The following LAMA4 variants were observed in gnomAD, a reference collection of about 807,000 sequenced individuals.
The protein encoded by LAMA4 is laminin subunit alpha-4.
Under a neutral mutation model 207.1 loss-of-function variants are expected in LAMA4, and 127 were observed. That is an observed-to-expected ratio of 0.61 (90% CI 0.53 to 0.71). The LOEUF (loss-of-function observed/expected upper bound fraction) is 0.71. Among genes scored for constraint, LAMA4 ranks in the 30% least tolerant of loss-of-function variants. The pLI is 0.00. For missense variants in LAMA4, 2,093 were observed against 2,246.5 expected, an observed-to-expected ratio of 0.93 and a Z score of 1.38; for synonymous variants, 761 against 816.0, an observed-to-expected ratio of 0.93 and a Z score of 1.15.
chr6:112,213,608 C>A (rs1784469063), intron 3 of LAMA4: 1 of 157,078 alleles, frequency 6.4e-6, no homozygotes, highest in Non-Finnish European at 1.4e-5. Context: ...AGTGTTCCAC[C>A]AGTAAAAAAA....
intron 12 of LAMA4, among the ~76,000 whole-genome samples, chr6:112,169,851 C>G (rs1158970294): frequency 6.6e-6 from 1 of 152,218 alleles, no homozygotes. Flanking sequence ...GAACTGAAGT[C>G]TCTTCATATA....
chr6:112,200,134 G>A (rs782018128), intron 5 of LAMA4: 9 of 533,164 alleles, frequency 1.7e-5, no homozygotes, highest in Admixed American at 7.8e-5. Context: ...ATATCTTACC[G>A]AGTCATTCAG....
At chr6:112,113,089 T>C (rs1777801696) in intron 38 of LAMA4, among the ~76,000 whole-genome samples, 1 of 152,158 alleles carries the variant, frequency 6.6e-6, no homozygotes, top group Non-Finnish European at 1.5e-5. Context: ...GAAGGAATAA[T>C]TTCTAGAATT....
At chr6:112,204,276 T>C (rs1408507408) in intron 4 of LAMA4, among the ~76,000 whole-genome samples, 1 of 152,140 alleles carries the variant, frequency 6.6e-6, no homozygotes, top group East Asian at 1.9e-4. Flanking sequence ...GTATAATAAG[T>C]GCTCGATAAA....
intron 2 of LAMA4, chr6:112,217,953 C>T (rs1028763448): frequency 6.6e-6 from 1 of 152,156 alleles, no homozygotes; most frequent in Non-Finnish European, 1.5e-5. Context: ...ATGCAGTACA[C>T]AGATTGGTAT....
chr6:112,185,472 G>A, intron 8 of LAMA4, 125 bp from the exon 9 acceptor site: 2 of 687,088 alleles, frequency 2.9e-6, no homozygotes, highest in Admixed American at 4.3e-5. Flanking sequence ...AAATAGTGGG[G>A]TCCGCAGGCT....
intron 2 of LAMA4, chr6:112,236,153 A>G (rs1256398664): frequency 6.6e-6 from 1 of 151,998 alleles, no homozygotes; most frequent in Non-Finnish European, 1.5e-5. Context: ...AGTTCTAGAA[A>G]CCCTGTGTGG....
intron 11 of LAMA4, among the ~76,000 whole-genome samples, chr6:112,173,827 C>A (rs938618240): frequency 6.6e-5 from 10 of 152,098 alleles, no homozygotes; most frequent in African/African-American, 2.4e-4. Context: ...GTCATTAGTC[C>A]CTTTGTAATC....
chr6:112,178,023 C>A (rs1451816402), intron 10 of LAMA4, 98 bp downstream of exon 10: 4 of 877,944 alleles, frequency 4.6e-6, no homozygotes, highest in African/African-American at 3.3e-5. Flanking sequence ...AAGTTCCTGG[C>A]ACACAGCAAA....
At chr6:112,126,503 G>A (rs1778699987) in intron 31 of LAMA4, among the ~76,000 whole-genome samples, 1 of 152,152 alleles carries the variant, frequency 6.6e-6, no homozygotes, top group South Asian at 2.1e-4. Context: ...AAACTACTAA[G>A]TTTTAATTAT....
chr6:112,178,850 T>G (rs1554344611), intron 9 of LAMA4: 1 of 153,034 alleles, frequency 6.5e-6, no homozygotes, highest in Non-Finnish European at 1.5e-5. Flanking sequence ...GACTAGAAAA[T>G]TGCCCATGTC....
intron 16 of LAMA4, among the ~76,000 whole-genome samples, chr6:112,154,343 T>C (rs1364121202): frequency 3.3e-5 from 4 of 122,166 alleles, no homozygotes; most frequent in Non-Finnish European, 5.0e-5. Context: ...GTAACCTATG[T>C]AGAACACAAA....
chr6:112,135,218 C>A (rs565926170), intron 25 of LAMA4, among the ~76,000 whole-genome samples: 1 of 152,120 alleles, frequency 6.6e-6, no homozygotes, highest in South Asian at 2.1e-4. Context: ...CAGCAGATTT[C>A]GAGAACTTAC....
intron 22 of LAMA4, 124 bp from the exon 23 acceptor site, chr6:112,140,009 G>T (rs1779595671): frequency 3.2e-6 from 3 of 937,490 alleles, no homozygotes; most frequent in Admixed American, 3.8e-5. Flanking sequence ...TATCTTTCTA[G>T]ACCCGAGTGT....
intron 13 of LAMA4, among the ~76,000 whole-genome samples, chr6:112,160,237 GC>G (rs1366143379): frequency 6.6e-6 from 1 of 151,884 alleles, no homozygotes; most frequent in African/African-American, 2.4e-5. Context: ...TTTGCAACCA[GC>G]CCCCAGCCCT....
chr6:112,193,773 AC>A (rs1449644805), intron 5 of LAMA4, among the ~76,000 whole-genome samples: 1 of 152,098 alleles, frequency 6.6e-6, no homozygotes, highest in Non-Finnish European at 1.5e-5. Flanking sequence ...AAACCTTCTG[AC>A]CCTGGAGTTC....
intron 30 of LAMA4, 60 bp downstream of exon 30, chr6:112,129,816 G>A: frequency 7.9e-7 from 1 of 1,272,032 alleles, no homozygotes; most frequent in Non-Finnish European, 1.1e-6. Flanking sequence ...TAATATTTTT[G>A]CTGTTGTCTT....
rs1779531454 is a variant in LAMA4 at position 112,139,182 on chromosome 6, G to A, written c.3220C>T (p.Arg1074Cys). Reference protein sequence around the residue: ...TRRGKFGQVTRFDIEVRTPAD... With the variant: ...TRRGKFGQVTCFDIEVRTPAD... ...GGTGTTCGAACTTCTATGTCAAAGC[G>A]AGTCACCTGACCAAATTTCCCTCTC... Residue 1074 changes from arginine (R) to cysteine (C), a missense_variant, in exon 24 of 39, where the codon CGC becomes TGC. Arg to Cys is a radical substitution (Grantham distance 180). Transcript: ENST00000230538. 1.9e-6 allele frequency: 3 copies of A among 1,614,114 alleles called. No individual in the cohort carries two copies. Among genetic ancestry groups the A allele is most frequent in the Non-Finnish European group, 8.5e-7 (1 of 1,179,996 alleles).
At chr6:112,253,844 T>A in intron 2 of LAMA4, 112 bp downstream of exon 2, 4 of 1,614,178 alleles carry the variant, frequency 2.5e-6, no homozygotes, top group Non-Finnish European at 3.4e-6. Flanking sequence ...CAGGTGAAAC[T>A]CTCAAGGCAC....
Sources: gnomAD v4.1 joint callset for allele counts (sites outside exome capture counted in the v4.1 genomes callset) on GRCh38, gnomAD v4.1.1 for gene constraint, MANE v1.5 for transcripts, NCBI Gene and HGNC (gene_info 2026-07-23, HGNC 2026-07-21) for gene names.